Variants in MTA3 observed in about 807,000 individuals in gnomAD.
MTA3 encodes metastasis-associated protein MTA3.
In MTA3, 34 loss-of-function variants were observed where a neutral mutation model predicts 83.5. That is an observed-to-expected ratio of 0.41 (90% CI 0.31 to 0.54). MTA3 has a LOEUF of 0.54. Ranked by LOEUF, MTA3 falls within the 20% of genes least tolerant of loss-of-function variation. MTA3 has a pLI of 0.33. For synonymous variants in MTA3, 303 were observed against 252.7 expected, an observed-to-expected ratio of 1.20 and a Z score of -1.89; for missense variants, 761 against 726.4, an observed-to-expected ratio of 1.05 and a Z score of -0.55.
intron 16 of MTA3, among the ~76,000 whole-genome samples, chr2:42,729,867 A>G (rs1191550970): frequency 1.3e-5 from 2 of 152,320 alleles, no homozygotes; most frequent in African/African-American, 2.4e-5. Context: ...CATTGAATCC[A>G]TAGATTGCTT....
chr2:42,540,170 A>ATT (rs70963328), intron 2 of MTA3, among the ~76,000 whole-genome samples: 39,130 of 125,236 alleles, frequency 0.31, 6,559 homozygotes, highest in South Asian at 0.39. Context: ...AACTTTGTAG[A>ATT]TTTTTTTTTT....
intron 4 of MTA3, among the ~76,000 whole-genome samples, chr2:42,624,481 C>A (rs1685888596): frequency 6.6e-6 from 1 of 151,952 alleles, no homozygotes; most frequent in Non-Finnish European, 1.5e-5. Flanking sequence ...CCACCACACC[C>A]AGCTAATTTT....
intron 8 of MTA3, among the ~76,000 whole-genome samples, chr2:42,667,510 A>G (rs181465626): frequency 2.0e-5 from 3 of 150,994 alleles, no homozygotes; most frequent in Non-Finnish European, 4.4e-5. Flanking sequence ...ATTTTCACTT[A>G]GCATGTTTTC....
chr2:42,556,448 ATTTAG>A (rs1478113869), intron 2 of MTA3, among the ~76,000 whole-genome samples: 2 of 152,132 alleles, frequency 1.3e-5, no homozygotes, highest in East Asian at 1.9e-4. Flanking sequence ...CTGTTTAAAT[ATTTAG>A]TTTAATCAGC....
intron 3 of MTA3, among the ~76,000 whole-genome samples, chr2:42,580,981 C>T (rs1394836435): frequency 6.6e-6 from 1 of 152,138 alleles, no homozygotes; most frequent in Non-Finnish European, 1.5e-5. Context: ...CTGCTGTTTG[C>T]ATAGGTTTGT....
At chr2:42,525,108 C>A (rs1190581711) in intron 2 of MTA3, among the ~76,000 whole-genome samples, 1 of 147,142 alleles carries the variant, frequency 6.8e-6, no homozygotes, top group Non-Finnish European at 1.5e-5. Context: ...TCCCTCCCCC[C>A]TCCCCCACCT....
At chr2:42,541,479 C>T (rs1349660020) in intron 2 of MTA3, among the ~76,000 whole-genome samples, 1 of 152,230 alleles carries the variant, frequency 6.6e-6, no homozygotes, top group Non-Finnish European at 1.5e-5. Flanking sequence ...GTTCTCAATA[C>T]ATTCCATGAG....
intron 11 of MTA3, 63 bp downstream of exon 11, chr2:42,697,897 T>C (rs1693529791): frequency 1.7e-6 from 2 of 1,209,148 alleles, no homozygotes; most frequent in African/African-American, 1.6e-5. Flanking sequence ...GCAGAATATG[T>C]CATTTTGTTC....
chr2:42,538,839 A>G (rs193115858), intron 2 of MTA3, among the ~76,000 whole-genome samples: 2,837 of 147,426 alleles, frequency 0.019, 73 homozygotes, highest in African/African-American at 0.068. Flanking sequence ...CAGTGGCGCA[A>G]TCTCGGCTCA....
chr2:42,734,623 C>T (rs1430805288), intron 16 of MTA3, among the ~76,000 whole-genome samples: 1 of 151,760 alleles, frequency 6.6e-6, no homozygotes, highest in Non-Finnish European at 1.5e-5. Context: ...GTGGTCTTCT[C>T]TTCCTTCTTC....
intron 8 of MTA3, among the ~76,000 whole-genome samples, chr2:42,677,620 G>T (rs535392531): frequency 2.0e-5 from 3 of 152,020 alleles, no homozygotes; most frequent in Non-Finnish European, 4.4e-5. Flanking sequence ...CTGAGATTAC[G>T]GGTATGAGCC....
intron 9 of MTA3, among the ~76,000 whole-genome samples, chr2:42,694,206 T>C (rs1693167969): frequency 6.6e-6 from 1 of 152,304 alleles, no homozygotes; most frequent in South Asian, 2.1e-4. Flanking sequence ...GCCCCTGAGC[T>C]GTACTGCCTA....
intron 16 of MTA3, among the ~76,000 whole-genome samples, chr2:42,725,942 A>G (rs1667780744): frequency 6.6e-6 from 1 of 152,184 alleles, no homozygotes; most frequent in Non-Finnish European, 1.5e-5. Flanking sequence ...TTGTGTTACG[A>G]ATGGACCTTT....
intron 2 of MTA3, among the ~76,000 whole-genome samples, chr2:42,548,846 A>AT (rs1553340715): frequency 8.0e-4 from 12 of 15,036 alleles, no homozygotes; most frequent in South Asian, 4.7e-3. Context: ...ATATATATAT[A>AT]ATATATATAT....
chr2:42,573,744 C>G (rs1180462305), intron 2 of MTA3, among the ~76,000 whole-genome samples: 1 of 152,122 alleles, frequency 6.6e-6, no homozygotes, highest in Admixed American at 6.6e-5. Context: ...CTCCTGACCT[C>G]AGGTGATCCA....
At chr2:42,747,608 G>A (rs953607053) in intron 16 of MTA3, among the ~76,000 whole-genome samples, 2 of 151,362 alleles carry the variant, frequency 1.3e-5, no homozygotes, top group Non-Finnish European at 3.0e-5. Flanking sequence ...GGAAGTTCCT[G>A]GCTGATAACG....
At chr2:42,585,936 C>A (rs925887367) in intron 3 of MTA3, among the ~76,000 whole-genome samples, 3 of 151,768 alleles carry the variant, frequency 2.0e-5, no homozygotes, top group Admixed American at 6.6e-5. Flanking sequence ...ACACCTGTGT[C>A]TCTTTAAAAA....
intron 2 of MTA3, among the ~76,000 whole-genome samples, chr2:42,516,663 A>G (rs1000801658): frequency 6.6e-6 from 1 of 152,234 alleles, no homozygotes; most frequent in East Asian, 1.9e-4. Flanking sequence ...AGCCCTGCAC[A>G]CAGTTCAGCC....
intron 4 of MTA3, among the ~76,000 whole-genome samples, chr2:42,639,909 A>G (rs185697484): frequency 6.6e-6 from 1 of 152,286 alleles, no homozygotes; most frequent in Admixed American, 6.5e-5. Context: ...AACTACCTAT[A>G]AAGTATTGCA....
Sources: allele counts gnomAD v4.1 joint callset (sites outside exome capture counted in the v4.1 genomes callset), GRCh38; gene constraint gnomAD v4.1.1; transcripts MANE v1.5; gene names NCBI Gene and HGNC (gene_info 2026-07-23, HGNC 2026-07-21).